The following IL23R variants were observed in gnomAD, a reference collection of about 807,000 sequenced individuals.
IL23R encodes the protein interleukin 23 receptor, also known as interleukin-23 receptor.
IL23R carries 34 observed loss-of-function variants against 56.9 expected under a neutral mutation model. The ratio of observed to expected loss-of-function variants is 0.60; its 90% CI spans 0.45 to 0.80. The LOEUF (loss-of-function observed/expected upper bound fraction) is 0.80. Ranked by LOEUF, IL23R falls within the 30% of genes least tolerant of loss-of-function variation. The probability of loss-of-function intolerance (pLI) is 0.00; values close to 1 mark genes in which losing one functional copy is unlikely to be tolerated. For synonymous variants in IL23R, 230 were observed against 249.2 expected (o/e 0.92, Z 0.73); for missense variants, 635 against 730.0 (o/e 0.87, Z 1.50).
intron 5 of IL23R, among the ~76,000 whole-genome samples, chr1:67,202,923 T>G (rs1485341447): frequency 6.6e-6 from 1 of 152,176 alleles, no homozygotes; most frequent in Non-Finnish European, 1.5e-5. Flanking sequence ...TGATGGACAA[T>G]TATTCCATTT....
intron 1 of IL23R, among the ~76,000 whole-genome samples, chr1:67,152,897 G>A (rs916046530): frequency 1.3e-5 from 2 of 152,156 alleles, no homozygotes; most frequent in Admixed American, 1.3e-4. Flanking sequence ...AGGGATATTG[G>A]CCTGAGGTTT....
intron 4 of IL23R, among the ~76,000 whole-genome samples, chr1:67,186,535 C>T (rs550164308): frequency 2.0e-5 from 3 of 152,080 alleles, no homozygotes; most frequent in Non-Finnish European, 2.9e-5. Context: ...ATTTGCTTTC[C>T]GTTTCTGTTG....
intron 4 of IL23R, among the ~76,000 whole-genome samples, chr1:67,193,136 C>G (rs1647873193): frequency 1.3e-5 from 2 of 152,164 alleles, no homozygotes; most frequent in Admixed American, 1.3e-4. Context: ...TGCATGTTAC[C>G]TAGAATGCTC....
intron 4 of IL23R, among the ~76,000 whole-genome samples, chr1:67,183,336 A>G (rs1647186273): frequency 6.6e-6 from 1 of 152,182 alleles, no homozygotes; most frequent in East Asian, 1.9e-4. Context: ...GGAGTTTGAG[A>G]CCAGCCTGGC....
intron 7 of IL23R, among the ~76,000 whole-genome samples, chr1:67,219,953 C>T (rs918500562): frequency 7.2e-5 from 11 of 152,032 alleles, no homozygotes; most frequent in African/African-American, 1.5e-4. Context: ...CATTTGTAGT[C>T]GCAGCTACTT....
At chr1:67,242,986 T>C (rs538626815) in intron 9 of IL23R, among the ~76,000 whole-genome samples, 81 of 152,348 alleles carry the variant, frequency 5.3e-4, no homozygotes, top group African/African-American at 1.9e-3. Flanking sequence ...ATATTGTTTA[T>C]AACTATTTTA....
intron 3 of IL23R, among the ~76,000 whole-genome samples, chr1:67,182,402 A>T (rs138015271): frequency 1.2e-3 from 179 of 152,276 alleles, no homozygotes; most frequent in African/African-American, 3.8e-3. Context: ...GCTAGCAATG[A>T]GTGAGGCTTG....
intron 3 of IL23R, among the ~76,000 whole-genome samples, chr1:67,180,663 T>A (rs1045489387): frequency 1.1e-4 from 16 of 152,210 alleles, no homozygotes; most frequent in Non-Finnish European, 1.9e-4. Context: ...CCTGTCATTA[T>A]GATGTTAGCT....
Position 67,258,707 on chromosome 1 carries a change from A to C in IL23R, c.1469A>C (p.Asn490Thr). 3 of 1,613,692 alleles carry C rather than the reference A, an allele frequency of 1.9e-6. No homozygotes were observed. The highest frequency in any genetic ancestry group is 1.1e-5 in the South Asian group (1 of 90,972). Residue 490 changes from asparagine to threonine, a missense_variant, in exon 11 of 11, where the codon AAT becomes ACT. Coordinates refer to ENST00000347310, the MANE Select transcript of IL23R (RefSeq NM_144701.3). The stretch of plus-strand genomic sequence containing the variant: ...ACTGGATATAAACCCCAAATTTCAA[A>C]TTTTCTGCCTGAGGGAAGCCATCTC... ...LNTGYKPQISNFLPEGSHLSN... is the reference protein window; with the variant it reads ...LNTGYKPQISTFLPEGSHLSN...
chr1:67,166,243 T>G (rs1646872509), upstream of IL23R, among the ~76,000 whole-genome samples: 1 of 152,334 alleles, frequency 6.6e-6, no homozygotes. Flanking sequence ...GCCTCTTGGA[T>G]GAGACCATTT....
At chr1:67,239,776 C>T (rs1651734557) in intron 8 of IL23R, among the ~76,000 whole-genome samples, 1 of 152,042 alleles carries the variant, frequency 6.6e-6, no homozygotes, top group Admixed American at 6.6e-5. Flanking sequence ...CTATCTCACA[C>T]AAAAAGTTAA....
At chr1:67,204,769 A>ATTAT (rs1648890394) in intron 5 of IL23R, among the ~76,000 whole-genome samples, 1 of 143,764 alleles carries the variant, frequency 7.0e-6, no homozygotes, top group Non-Finnish European at 1.5e-5. Flanking sequence ...CTCAATACTG[A>ATTAT]TTTTTTTTTT....
intron 6 of IL23R, among the ~76,000 whole-genome samples, chr1:67,214,922 G>T (rs988051251): frequency 6.6e-6 from 1 of 152,188 alleles, no homozygotes; most frequent in Admixed American, 6.5e-5. Flanking sequence ...AACTTAGAAA[G>T]CGATGTTATT....
At chr1:67,164,717 T>G (rs1437204648), upstream of IL23R, among the ~76,000 whole-genome samples, 1 of 152,134 alleles carries the variant, frequency 6.6e-6, no homozygotes, top group Admixed American at 6.6e-5. Context: ...GCCTCCTAAC[T>G]GGGCTCTTCA....
intron 4 of IL23R, among the ~76,000 whole-genome samples, chr1:67,188,463 G>A (rs894026360): frequency 5.9e-5 from 9 of 152,196 alleles, no homozygotes; most frequent in African/African-American, 1.9e-4. Flanking sequence ...TCTTAGAAGA[G>A]TTATTTAGCC....
chr1:67,209,262 T>C (rs1211889708), intron 6 of IL23R, among the ~76,000 whole-genome samples: 1 of 152,110 alleles, frequency 6.6e-6, no homozygotes, highest in Non-Finnish European at 1.5e-5. Flanking sequence ...CTGAAATGAG[T>C]TATGACTTTG....
intron 7 of IL23R, among the ~76,000 whole-genome samples, chr1:67,220,481 G>A (rs1016831696): frequency 2.6e-5 from 4 of 151,936 alleles, no homozygotes; most frequent in African/African-American, 9.7e-5. Context: ...CTATTCTAGG[G>A]CAGATGATAA....
chr1:67,253,449 T>C (rs769906861), intron 9 of IL23R, among the ~76,000 whole-genome samples: 42 of 152,240 alleles, frequency 2.8e-4, no homozygotes, highest in Non-Finnish European at 4.4e-5. Context: ...CTTTGCCGAA[T>C]TGGCACTGAG....
intron 9 of IL23R, among the ~76,000 whole-genome samples, chr1:67,246,704 C>T (rs192063130): frequency 6.6e-6 from 1 of 152,258 alleles, no homozygotes; most frequent in East Asian, 1.9e-4. Context: ...CATTCTTTTG[C>T]ATTTGCTGAG....
Sources: allele counts gnomAD v4.1 joint callset (sites outside exome capture counted in the v4.1 genomes callset), GRCh38; gene constraint gnomAD v4.1.1; transcripts MANE v1.5; gene names NCBI Gene and HGNC (gene_info 2026-07-23, HGNC 2026-07-21).